The following TF variants were observed in gnomAD, a reference collection of about 807,000 sequenced individuals.
TF encodes transferrin.
Under a neutral mutation model 82.4 loss-of-function variants are expected in TF, and 55 were observed. That is an observed-to-expected ratio of 0.67 (90% confidence interval 0.54 to 0.84). TF has a LOEUF of 0.84. Among genes scored for constraint, TF ranks in the 40% least tolerant of loss-of-function variants. The pLI is 0.00. For synonymous variants in TF, 332 were observed against 332.6 expected (o/e 1.00, Z 0.02); for missense variants, 737 against 868.4 (o/e 0.85, Z 1.90).
At chr3:133,701,376 C>A in the TF span, among the ~76,000 whole-genome samples, 1 of 152,210 alleles carries the variant, frequency 6.6e-6, no homozygotes, top group South Asian at 2.1e-4. Context: ...AATGTGGCCA[C>A]TACCACCATC....
intron 11 of TF, 31 bp from the exon 12 acceptor site, chr3:133,766,247 A>C (rs756993571): frequency 6.2e-7 from 1 of 1,612,246 alleles, no homozygotes; most frequent in Non-Finnish European, 8.5e-7. Flanking sequence ...CAGAGGTGTT[A>C]ATACATCCTT....
the TF span, among the ~76,000 whole-genome samples, chr3:133,727,051 A>G: frequency 6.6e-6 from 1 of 151,998 alleles, no homozygotes; most frequent in East Asian, 1.9e-4. Flanking sequence ...GTTCTTTTAC[A>G]TTTGCTGAGA....
intron 1 of TF, among the ~76,000 whole-genome samples, chr3:133,746,902 G>A (rs1933517591): frequency 6.6e-6 from 1 of 152,164 alleles, no homozygotes; most frequent in Non-Finnish European, 1.5e-5. Context: ...CAAGGAAGCG[G>A]TGCCATCGAG....
chr3:133,757,631 C>A, intron 7 of TF, 138 bp from the exon 8 acceptor site: 1 of 782,828 alleles, frequency 1.3e-6, no homozygotes, highest in Non-Finnish European at 2.2e-6. Context: ...TGAGCAGGAG[C>A]AGGTCCGACT....
chr3:133,750,446 G>T (rs1001545298), intron 2 of TF, among the ~76,000 whole-genome samples: 1 of 82,304 alleles, frequency 1.2e-5, no homozygotes, highest in Non-Finnish European at 2.3e-5. Context: ...CTCAATCCCC[G>T]CGCTGGGGTT....
In TF at chr3:133,784,187, A is replaced by G. The variant is rs1385838793; in HGVS notation, c.*5567A>G. The G allele has an allele frequency of 6.6e-6, 1 of 152,352 alleles. No homozygotes were observed. The highest frequency in any genetic ancestry group is 1.5e-5 in the Non-Finnish European group (1 of 68,124). The allele number at this position is 152,352 out of a possible 1,614,324, so 9.4% of individuals were successfully genotyped here. A position where few individuals can be genotyped will look rare whatever the true frequency, so the allele number is the denominator to read the frequency against. On this transcript the variant is annotated 3_prime_UTR_variant, in exon 17 of 17. Coordinates refer to ENST00000402696, the MANE Select transcript of TF (RefSeq NM_001063.4). ...ATGAGGGGTGGTAGGGTTAGCGGCCATCGCCCAGCTCGTCTTCCTTCTACC... is the reference window on the plus strand; with the variant it reads ...ATGAGGGGTGGTAGGGTTAGCGGCCGTCGCCCAGCTCGTCTTCCTTCTACC...
upstream of TF, chr3:133,746,160 G>T: frequency 1.8e-6 from 1 of 550,164 alleles, no homozygotes; most frequent in East Asian, 3.1e-5. Context: ...CGATGACAAT[G>T]GCTGCATTGT....
At chr3:133,709,868 C>T in the TF span, among the ~76,000 whole-genome samples, 1 of 152,208 alleles carries the variant, frequency 6.6e-6, no homozygotes, top group Non-Finnish European at 1.5e-5. Flanking sequence ...GAGGGAAATA[C>T]CTTGGCCCAA....
chr3:133,718,010 T>C, the TF span, among the ~76,000 whole-genome samples: 1 of 151,976 alleles, frequency 6.6e-6, no homozygotes, highest in Non-Finnish European at 1.5e-5. Context: ...CTGGCCCCTG[T>C]GCTCCCTGAT....
At chr3:133,669,007 CT>C in the TF span, among the ~76,000 whole-genome samples, 194 of 151,240 alleles carry the variant, frequency 1.3e-3, 1 homozygote, top group African/African-American at 4.6e-3. Context: ...TTTCTTTTTT[CT>C]TTTTTTTTCT....
At chr3:133,726,529 C>G in the TF span, among the ~76,000 whole-genome samples, 1 of 152,088 alleles carries the variant, frequency 6.6e-6, no homozygotes, top group African/African-American at 2.4e-5. Flanking sequence ...TATATTGCAT[C>G]TATTTGATTC....
chr3:133,689,886 A>G, the TF span, among the ~76,000 whole-genome samples: 1 of 152,202 alleles, frequency 6.6e-6, no homozygotes, highest in Admixed American at 6.5e-5. Flanking sequence ...TTATTTGACA[A>G]ATAATAATTG....
chr3:133,737,266 A>G, the TF span, among the ~76,000 whole-genome samples: 1 of 152,352 alleles, frequency 6.6e-6, no homozygotes, highest in East Asian at 1.9e-4. Flanking sequence ...TTTGAAACCA[A>G]TGAGAACAAA....
chr3:133,725,716 G>A, the TF span, among the ~76,000 whole-genome samples: 1 of 151,904 alleles, frequency 6.6e-6, no homozygotes, highest in African/African-American at 2.4e-5. Flanking sequence ...GGTGAGAGAG[G>A]GCATCCCTGT....
At chr3:133,725,191 A>G in the TF span, among the ~76,000 whole-genome samples, 1 of 152,006 alleles carries the variant, frequency 6.6e-6, no homozygotes, top group Non-Finnish European at 1.5e-5. Flanking sequence ...AATTCTGTGA[A>G]GAAAGTCATT....
At chr3:133,703,971 G>A in the TF span, among the ~76,000 whole-genome samples, 8 of 152,288 alleles carry the variant, frequency 5.3e-5, no homozygotes, top group African/African-American at 1.4e-4. Flanking sequence ...TCATATCCAG[G>A]ACGCAGCATG....
At chr3:133,665,581 C>T in the TF span, among the ~76,000 whole-genome samples, 1 of 152,016 alleles carries the variant, frequency 6.6e-6, no homozygotes. Context: ...TCTGGCACTT[C>T]TGTCACCTAG....
At chr3:133,669,083 C>T in the TF span, among the ~76,000 whole-genome samples, 1 of 152,074 alleles carries the variant, frequency 6.6e-6, no homozygotes, top group Non-Finnish European at 1.5e-5. Flanking sequence ...TCACTGCAAC[C>T]TCCGCCTCCC....
chr3:133,730,536 C>T, the TF span, among the ~76,000 whole-genome samples: 1 of 152,144 alleles, frequency 6.6e-6, no homozygotes, highest in African/African-American at 2.4e-5. Flanking sequence ...GAGGCAGGAG[C>T]CTGTAGACCC....
Sources: gnomAD v4.1 joint callset for allele counts (sites outside exome capture counted in the v4.1 genomes callset) on GRCh38, gnomAD v4.1.1 for gene constraint, MANE v1.5 for transcripts, NCBI Gene and HGNC (gene_info 2026-07-23, HGNC 2026-07-21) for gene names.